RARS2: variants seen among roughly 807,000 people sequenced by gnomAD.
RARS2 encodes the protein arginyl-tRNA synthetase 2, mitochondrial, also known as probable arginine--tRNA ligase, mitochondrial.
In RARS2, 67 loss-of-function variants were observed where a neutral mutation model predicts 88.5. That is an observed-to-expected ratio of 0.76 (90% confidence interval 0.62 to 0.93). The LOEUF (loss-of-function observed/expected upper bound fraction) is 0.93, where lower values mean the gene tolerates loss of function less well. Among genes scored for constraint, RARS2 ranks in the 40% least tolerant of loss-of-function variants. RARS2 has a pLI of 0.00. For synonymous variants in RARS2, 239 were observed against 230.3 expected (o/e 1.04, Z -0.34); for missense variants, 664 against 684.2 (o/e 0.97, Z 0.33).
intron 11 of RARS2, among the ~76,000 whole-genome samples, chr6:87,522,333 T>TAAAAAA (rs34710568): frequency 1.9e-4 from 17 of 88,636 alleles, no homozygotes; most frequent in Admixed American, 3.0e-4. Flanking sequence ...CCGTCTCAAT[T>TAAAAAA]AAAAAAAAAA....
intron 18 of RARS2, 123 bp downstream of exon 18, chr6:87,516,683 A>G (rs1276435438): frequency 1.8e-5 from 24 of 1,371,294 alleles, no homozygotes; most frequent in Non-Finnish European, 2.3e-5. Context: ...AGATGAAGCA[A>G]TAATTCCTGT....
intron 6 of RARS2, among the ~76,000 whole-genome samples, chr6:87,547,500 AATATT>A (rs1318126544): frequency 5.9e-5 from 9 of 152,196 alleles, no homozygotes. Context: ...TTCCAATTCT[AATATT>A]ATATAATTTT....
Position 87,514,192 on chromosome 6 carries a change from T to A in RARS2, c.*221A>T, listed in dbSNP as rs563231005. On this transcript the variant is annotated 3_prime_UTR_variant, in exon 20 of 20. Coordinates refer to ENST00000369536, the MANE Select transcript of RARS2 (RefSeq NM_020320.5). ...CTGGCGTGATGGCACGTGCCTGTAA[T>A]CCCAGCTACTCAGGAGGCTGAGGCA... Among the ~76,000 whole-genome samples, 244 of 151,578 alleles carry A rather than the reference T, an allele frequency of 1.6e-3. No homozygotes were observed. The highest frequency in any genetic ancestry group is 2.7e-3 in the Non-Finnish European group (184 of 67,938).
intron 5 of RARS2, among the ~76,000 whole-genome samples, chr6:87,551,650 G>C (rs200359329): frequency 1.3e-5 from 1 of 74,942 alleles, no homozygotes; most frequent in East Asian, 4.3e-4. Context: ...AAAAAAAAAA[G>C]ATTACTCTTA....
rs1772465419 is a variant in RARS2 at position 87,518,210 on chromosome 6, T to C, written c.1470A>G (p.Leu490=). ...GYLNDFNTAC[L]QEPQSVSILQ... ...GAATTGAAACAGACTGTGGCTCTTGTAAACAAGCAGTGTTGAAGTCATTCA... is the reference window on the plus strand; with the variant it reads ...GAATTGAAACAGACTGTGGCTCTTGCAAACAAGCAGTGTTGAAGTCATTCA... The change falls in exon 17 of 20, where the codon TTA becomes TTG. Residue 490 remains leucine, a synonymous_variant. Coordinates refer to ENST00000369536, the MANE Select transcript of RARS2 (RefSeq NM_020320.5). 1.9e-6 allele frequency: 3 copies of C among 1,614,062 alleles called. No homozygotes were observed. The highest frequency in any genetic ancestry group is 2.7e-5 in the African/African-American group (2 of 74,934).
chr6:87,578,032 G>A (rs915749631), intron 1 of RARS2, among the ~76,000 whole-genome samples: 3 of 151,576 alleles, frequency 2.0e-5, no homozygotes, highest in African/African-American at 2.4e-5. Flanking sequence ...CCTGTAATCC[G>A]AATACTTTGG....
Position 87,564,178 on chromosome 6 carries a change from G to C in RARS2, c.165C>G (p.Asp55Glu), listed in dbSNP as rs763435226. 1 of 1,613,560 alleles carries C rather than the reference G, an allele frequency of 6.2e-7. No individual in the cohort carries two copies. The highest frequency in any genetic ancestry group is 1.3e-5 in the African/African-American group (1 of 74,852). ...SVDSLLEKDNDHSRPDIQVQA... is the reference protein window; with the variant it reads ...SVDSLLEKDNEHSRPDIQVQA... ...GAACTTGAATATCTGGTCTTGAATG[G>C]TCATTGTCTTTTTCCAATAAAGAAT... Residue 55 changes from aspartate to glutamate, a missense_variant, in exon 3 of 20, where the codon GAC (aspartate) becomes GAG (glutamate). Asp to Glu is a conservative substitution (Grantham distance 45). Coordinates refer to ENST00000369536, the MANE Select transcript of RARS2 (RefSeq NM_020320.5).
intron 1 of RARS2, among the ~76,000 whole-genome samples, chr6:87,570,310 T>C (rs1459619502): frequency 6.6e-6 from 1 of 152,132 alleles, no homozygotes. Flanking sequence ...CTTGCTGGAT[T>C]TGTATTTTCT....
chr6:87,520,885 G>A (rs1339887883), intron 12 of RARS2, among the ~76,000 whole-genome samples: 2 of 152,220 alleles, frequency 1.3e-5, no homozygotes, highest in Non-Finnish European at 2.9e-5. Flanking sequence ...CCACGAGGGA[G>A]TTTGTTTTGT....
intron 2 of RARS2, among the ~76,000 whole-genome samples, chr6:87,567,743 A>C (rs1261881417): frequency 6.6e-6 from 1 of 152,134 alleles, no homozygotes; most frequent in African/African-American, 2.4e-5. Context: ...AGGCCAGAAA[A>C]ATCTTGAGGC....
rs1417282658 is a variant in RARS2 at position 87,552,917 on chromosome 6, T to TA, written c.395+2490dup. ...GCCAGTTAGGTAATTGAAAGGGGTTTAAGAGTAATATGGTAATGAAGTGCC... is the reference window on the plus strand; with the variant it reads ...GCCAGTTAGGTAATTGAAAGGGGTTTAAAGAGTAATATGGTAATGAAGTGCC... On this transcript the variant is annotated intron_variant, in intron 5 of 19. Coordinates refer to ENST00000369536, the MANE Select transcript of RARS2 (RefSeq NM_020320.5). Among the ~76,000 whole-genome samples, 29 of 152,314 alleles carry TA rather than the reference T, an allele frequency of 1.9e-4. 1 individual carries two copies. Among genetic ancestry groups the TA allele is most frequent in the Non-Finnish European group, 8.8e-5 (6 of 68,022 alleles).
chr6:87,565,574 A>G (rs966384707), intron 2 of RARS2, among the ~76,000 whole-genome samples: 1 of 152,230 alleles, frequency 6.6e-6, no homozygotes, highest in African/African-American at 2.4e-5. Context: ...TCCCTACAAA[A>G]TAAGACTTGA....
chr6:87,562,766 A>C lies in RARS2; in HGVS notation c.233T>G (p.Val78Gly). The part of the protein sequence containing the change: ...LAEKLRCDTV[V>G]SEISTGQRTV... ...CCTTTGACCAGTACTGATTTCACTC[A>C]CCACTGTATCACATCTTAGCTGAAA... Residue 78 changes from valine to glycine, a missense_variant, in exon 4 of 20, where the codon GTG (valine) becomes GGG (glycine). By Grantham distance (109) the Val-to-Gly change is moderately radical. Coordinates refer to ENST00000369536, the MANE Select transcript of RARS2 (RefSeq NM_020320.5). The C allele has an allele frequency of 6.2e-7, 1 of 1,613,522 alleles. No individual in the cohort carries two copies. Among genetic ancestry groups the C allele is most frequent in the Admixed American group, 1.7e-5 (1 of 60,018 alleles).
At chr6:87,584,678 TGA>T (rs546933240) in intron 1 of RARS2, 13 of 466,186 alleles carry the variant, frequency 2.8e-5, no homozygotes, top group African/African-American at 2.2e-4. Context: ...CTGAGGATGC[TGA>T]GAGACTGAAG....
In RARS2 at chr6:87,569,530, T is replaced by C. The variant is rs1288063911; in HGVS notation, c.97A>G (p.Ile33Val). 1.3e-6 allele frequency: 2 copies of C among 1,599,294 alleles called. No individual in the cohort carries two copies. The highest frequency in any genetic ancestry group is 2.2e-5 in the East Asian group (1 of 44,714). Residue 33 changes from isoleucine (I) to valine (V), a missense_variant, in exon 2 of 20, where the codon ATT becomes GTT. Coordinates refer to ENST00000369536, the MANE Select transcript of RARS2 (RefSeq NM_020320.5). ...ATTATACTTAACTCTTTTTGGGAAA[T>C]TGGAACTGCAGATATTGATGTGATC... ...NLITSISAVP[I>V]SQKEEVADFQ...
intron 6 of RARS2, among the ~76,000 whole-genome samples, chr6:87,547,537 C>A (rs139230194): frequency 6.2e-4 from 94 of 152,230 alleles, no homozygotes; most frequent in African/African-American, 2.2e-3. Flanking sequence ...TTAAATTGAC[C>A]TGCTGTATGA....
intron 8 of RARS2, among the ~76,000 whole-genome samples, chr6:87,533,292 G>A (rs780008545): frequency 6.6e-6 from 1 of 151,998 alleles, no homozygotes; most frequent in African/African-American, 2.4e-5. Context: ...CTTAAAACGT[G>A]AATATTCTTA....
intron 1 of RARS2, among the ~76,000 whole-genome samples, chr6:87,583,530 G>A (rs934684330): frequency 7.2e-5 from 11 of 151,804 alleles, no homozygotes; most frequent in Admixed American, 1.3e-4. Context: ...TGGAGGTTGC[G>A]GTGAGCCGAG....
chr6:87,569,488 T>G, intron 2 of RARS2, 29 bp downstream of exon 2: 1 of 1,525,128 alleles, frequency 6.6e-7, no homozygotes, highest in South Asian at 1.1e-5. Context: ...CAACATTTTA[T>G]AGATTGTTAC....
Sources: gnomAD v4.1 joint callset for allele counts (sites outside exome capture counted in the v4.1 genomes callset) on GRCh38, gnomAD v4.1.1 for gene constraint, MANE v1.5 for transcripts, NCBI Gene and HGNC (gene_info 2026-07-23, HGNC 2026-07-21) for gene names.